The following ARSA variants were observed in gnomAD, a reference collection of about 807,000 sequenced individuals.
The protein encoded by ARSA is cerebroside-sulfatase.
In ARSA, 32 loss-of-function variants were observed where a neutral mutation model predicts 37.8. That is an observed-to-expected ratio of 0.85 (90% confidence interval 0.64 to 1.14). ARSA has a LOEUF of 1.14. Among genes scored for constraint, ARSA ranks in the 50% most tolerant of loss-of-function variants. The probability of loss-of-function intolerance (pLI) is 0.00; values close to 1 mark genes in which losing one functional copy is unlikely to be tolerated. For missense variants in ARSA, 685 were observed against 686.3 expected, an observed-to-expected ratio of 1.00 and a Z score of 0.02; for synonymous variants, 303 against 303.4, an observed-to-expected ratio of 1.00 and a Z score of 0.01.
chr22:50,627,634 G>T lies in ARSA; in HGVS notation c.146C>A (p.Pro49His). ...GCYGHPSSTT[P>H]NLDQLAAGGL... ...TCCCGCCGCCAGCTGGTCCAGGTTGGGAGTGGTAGAGCTGGGGTGCCCATA... is the reference window on the plus strand; with the variant it reads ...TCCCGCCGCCAGCTGGTCCAGGTTGTGAGTGGTAGAGCTGGGGTGCCCATA... Residue 49 changes from proline to histidine, a missense_variant, in exon 1 of 8, where the codon CCC becomes CAC. Coordinates refer to ENST00000216124, the MANE Select transcript of ARSA (RefSeq NM_000487.6). 1 of 1,561,402 alleles carries T rather than the reference G, an allele frequency of 6.4e-7. No individual in the cohort carries two copies. Among genetic ancestry groups the T allele is most frequent in the East Asian group, 2.4e-5 (1 of 42,044 alleles).
chr22:50,628,021 C>T lies in ARSA; in HGVS notation c.-242G>A. 1 of 543,818 alleles carries T rather than the reference C, an allele frequency of 1.8e-6. No individual in the cohort carries two copies. Among genetic ancestry groups the T allele is most frequent in the Non-Finnish European group, 3.3e-6 (1 of 303,808 alleles). 33.7% of individuals were successfully genotyped at this position (543,818 alleles called of 1,614,324 possible). On this transcript the variant is annotated 5_prime_UTR_variant, in exon 1 of 8. Coordinates refer to ENST00000216124, the MANE Select transcript of ARSA (RefSeq NM_000487.6). The stretch of plus-strand genomic sequence containing the variant: ...GATTCTCGAGCGGAGATCTGATCCT[C>T]CTCGCCTAGCGGTCCGGGCTCAGGG...
Position 50,626,139 on chromosome 22 carries a change from G to C in ARSA, c.979+15C>G. 6.2e-7 allele frequency: 1 copy of C among 1,600,130 alleles called. No homozygotes were observed. Among genetic ancestry groups the C allele is most frequent in the Non-Finnish European group, 8.5e-7 (1 of 1,174,748 alleles). On this transcript the variant is annotated intron_variant, in intron 5 of 7. Coordinates refer to ENST00000216124, the MANE Select transcript of ARSA (RefSeq NM_000487.6). ...GGTGGGGCCAGGGTTCCAAGGAGAGGGCCTGCGGACTGACCGGGAGCGATA... is the reference window on the plus strand; with the variant it reads ...GGTGGGGCCAGGGTTCCAAGGAGAGCGCCTGCGGACTGACCGGGAGCGATA...
Position 50,627,887 on chromosome 22 carries a change from T to C in ARSA, c.-108A>G. Reference sequence around the variant, plus strand: ...CCTTCCCTGAGACCCCGGACCCAAATACTCCCCGACCCTGACGGCCGCCTC... The same window carrying C: ...CCTTCCCTGAGACCCCGGACCCAAACACTCCCCGACCCTGACGGCCGCCTC... On this transcript the variant is annotated 5_prime_UTR_variant, in exon 1 of 8. Transcript: ENST00000216124. 1.8e-6 allele frequency: 2 copies of C among 1,138,474 alleles called. No homozygotes were observed. The highest frequency in any genetic ancestry group is 2.5e-6 in the Non-Finnish European group (2 of 810,530). 70.5% of individuals were successfully genotyped at this position (1,138,474 alleles called of 1,614,324 possible).
Position 50,624,334 on chromosome 22 carries a change from G to C in ARSA, c.*811C>G, listed in dbSNP as rs1390190275. Among the ~76,000 whole-genome samples the C allele has an allele frequency of 6.6e-6, 1 of 152,228 alleles. No individual in the cohort carries two copies. The highest frequency in any genetic ancestry group is 2.4e-5 in the African/African-American group (1 of 41,464). On this transcript the variant is annotated 3_prime_UTR_variant, in exon 8 of 8. Transcript: ENST00000216124. The stretch of plus-strand genomic sequence containing the variant: ...GATCCACCCGCCTCGGCTTCCTAAA[G>C]TGCTGGGATTACAGGCGTGAGCCAC...
chr22:50,623,836 T>G lies in ARSA; in HGVS notation c.*1309A>C, dbSNP rs1045476818. ...ATCCCTGGAACCCGGGAGGCGGAGG[T>G]TGCAGTGAGCGGAGATGGTACCACT... is the stretch of plus-strand genomic sequence containing the variant. On this transcript the variant is annotated 3_prime_UTR_variant, in exon 8 of 8. Coordinates refer to ENST00000216124, the MANE Select transcript of ARSA (RefSeq NM_000487.6). The G allele has an allele frequency of 8.0e-6, 1 of 125,670 alleles. No individual in the cohort carries two copies. Among genetic ancestry groups the G allele is most frequent in the African/African-American group, 3.0e-5 (1 of 33,046 alleles). 7.8% of individuals were successfully genotyped at this position (125,670 alleles called of 1,614,324 possible). A position where few individuals can be genotyped will look rare whatever the true frequency, so the allele number is the denominator to read the frequency against.
chr22:50,625,954 C>A lies in ARSA; in HGVS notation c.1089G>T (p.Leu363=). ...GCCCTACCTTGCCTGTGCCCAGCAG[C>A]AGGGGGCTGAGGTCAAAGCCATCCA... ...VTLDGFDLSP[L]LLGTGKSPRQ... The change falls in exon 6 of 8, where the codon CTG becomes CTT. Residue 363 remains leucine (L), a synonymous_variant. Coordinates refer to ENST00000216124, the MANE Select transcript of ARSA (RefSeq NM_000487.6). 1 of 1,573,114 alleles carries A rather than the reference C, an allele frequency of 6.4e-7. No individual in the cohort carries two copies. The highest frequency in any genetic ancestry group is 8.6e-7 in the Non-Finnish European group (1 of 1,159,836).
chr22:50,627,593 C>CTG lies in ARSA; in HGVS notation c.185_186dup (p.Asp63GlnfsTer18), dbSNP rs1227301119. On this transcript the variant is annotated frameshift_variant, in exon 1 of 8. Transcript: ENST00000216124. LOFTEE classifies it high-confidence loss of function. The stretch of plus-strand genomic sequence containing the variant: ...CACAGAGACACAGGCACGTAGAAGT[C>CTG]TGTGAACCGCAGCCCTCCCGCCGCC... 1 of 1,563,422 alleles carries CTG rather than the reference C, an allele frequency of 6.4e-7. No individual in the cohort carries two copies. Among genetic ancestry groups the CTG allele is most frequent in the East Asian group, 2.4e-5 (1 of 42,182 alleles).
At position 50,627,770 on chromosome 22, in the gene ARSA, C is replaced by G. The variant is rs930477231; in HGVS notation, c.10G>C (p.Gly4Arg). The G allele has an allele frequency of 2.6e-6, 4 of 1,545,450 alleles. No homozygotes were observed. The highest frequency in any genetic ancestry group is 3.5e-6 in the Non-Finnish European group (4 of 1,146,920). Reference protein sequence around the residue: MSMGAPRSLLLALA... With the variant: MSMRAPRSLLLALA... ...GCCAGGAGGAGGGACCGCGGTGCCCCCATGGACATGGGACCGAGGGGTCTG... is the reference window on the plus strand; with the variant it reads ...GCCAGGAGGAGGGACCGCGGTGCCCGCATGGACATGGGACCGAGGGGTCTG... The change falls in exon 1 of 8, where the codon GGG becomes CGG. Residue 4 changes from glycine (G) to arginine (R), a missense_variant. Transcript: ENST00000216124.
chr22:50,627,134 G>A, intron 2 of ARSA, 32 bp downstream of exon 2: 1 of 1,597,950 alleles, frequency 6.3e-7, no homozygotes, highest in Non-Finnish European at 8.6e-7. Flanking sequence ...TTGGGAGGTG[G>A]GAGGGTGGCT....
At position 50,625,995 on chromosome 22, in the gene ARSA, G is replaced by A. The variant is rs1365407226; in HGVS notation, c.1048C>T (p.Leu350=). Residue 350 remains leucine (L), a synonymous_variant, in exon 6 of 8, where the codon CTG becomes TTG. Transcript: ENST00000216124. ...AAGCCATCCAAGGTGACATTGGGCA[G>A]TGGGGCCCCAGCCAGGGCTGCCAGG... ...PTLAALAGAP[L]PNVTLDGFDL... The A allele has an allele frequency of 6.3e-7, 1 of 1,577,974 alleles. No homozygotes were observed. The highest frequency in any genetic ancestry group is 8.6e-7 in the Non-Finnish European group (1 of 1,162,952).
rs369490134 is a variant in ARSA at position 50,625,583 on chromosome 22, G to A, written c.1206C>T (p.Thr402=). 5 of 1,613,286 alleles carry A rather than the reference G, an allele frequency of 3.1e-6. No homozygotes were observed. The highest frequency in any genetic ancestry group is 4.2e-6 in the Non-Finnish European group (5 of 1,179,930). Residue 402 remains threonine (T), a synonymous_variant, in exon 7 of 8, where the codon ACC becomes ACT. Coordinates refer to ENST00000216124, the MANE Select transcript of ARSA (RefSeq NM_000487.6). ...RTGKYKAHFF[T]QGSAHSDTTA... ...GGATCCACGGGGAGGGGTTACCCTGGGTGAAGAAGTGAGCCTTGTACTTTC... is the reference window on the plus strand; with the variant it reads ...GGATCCACGGGGAGGGGTTACCCTGAGTGAAGAAGTGAGCCTTGTACTTTC...
In ARSA at chr22:50,627,562, G is replaced by A. The variant is rs764004751; in HGVS notation, c.218C>T (p.Pro73Leu). 1.2e-5 allele frequency: 19 copies of A among 1,560,548 alleles called. No homozygotes were observed. Among genetic ancestry groups the A allele is most frequent in the East Asian group, 2.4e-5 (1 of 42,008 alleles). The change falls in exon 1 of 8, where the codon CCC (proline) becomes CTC (leucine). Residue 73 changes from proline (P) to leucine (L), a missense_variant. By Grantham distance (98) the Pro-to-Leu change is moderately conservative (BLOSUM62 -3). Coordinates refer to ENST00000216124, the MANE Select transcript of ARSA (RefSeq NM_000487.6). ...GGCGCGGCCCCCTCTTTACCTAGAG[G>A]GTGTGCACAGAGACACAGGCACGTA... ...DFYVPVSLCT[P>L]SRAALLTGRL...
rs1386863176 is a variant in ARSA, at chr22:50,626,003, C to T, written c.1040G>A (p.Gly347Glu). ...CAAGGTGACATTGGGCAGTGGGGCC[C>T]CAGCCAGGGCTGCCAGGGTAGGCAG... ...DLLPTLAALA[G>E]APLPNVTLDG... Residue 347 changes from glycine (G) to glutamate (E), a missense_variant, in exon 6 of 8, where the codon GGG (glycine) becomes GAG (glutamate). Physicochemically the swap from Gly to Glu is moderately conservative, Grantham distance 98. Transcript: ENST00000216124. 6.3e-7 allele frequency: 1 copy of T among 1,578,872 alleles called. No homozygotes were observed. The highest frequency in any genetic ancestry group is 1.2e-5 in the South Asian group (1 of 86,302).
Position 50,623,926 on chromosome 22 carries a change from A to AC in ARSA, c.*1218_*1219insG, listed in dbSNP as rs2082624501. The AC allele has an allele frequency of 1.4e-4, 1 of 7,178 alleles. No individual in the cohort carries two copies. The allele number at this position is 7,178 out of a possible 1,614,324, so 0.4% of individuals were successfully genotyped here. A position where few individuals can be genotyped will look rare whatever the true frequency, so the allele number is the denominator to read the frequency against. ...AAAAAAAAAAAAAAAAAAAAAAAAA[A>AC]AAAAAAAAAAAACAAAAACAAATCT... is the stretch of plus-strand genomic sequence containing the variant. On this transcript the variant is annotated 3_prime_UTR_variant, in exon 8 of 8. Transcript: ENST00000216124.
chr22:50,625,319 T>C lies in ARSA; in HGVS notation c.1356A>G (p.Pro452=). The C allele has an allele frequency of 1.2e-6, 2 of 1,612,772 alleles. No homozygotes were observed. The highest frequency in any genetic ancestry group is 1.7e-6 in the Non-Finnish European group (2 of 1,179,774). Residue 452 remains proline, a synonymous_variant, in exon 8 of 8, where the codon CCA becomes CCG. Coordinates refer to ENST00000216124, the MANE Select transcript of ARSA (RefSeq NM_000487.6). ...GCTGTTTCAGGGCTTGCAGCACCTCTGGGGTGGCCCCGGCCACACCCCCCA... is the reference window on the plus strand; with the variant it reads ...GCTGTTTCAGGGCTTGCAGCACCTCCGGGGTGGCCCCGGCCACACCCCCCA... ...NLLGGVAGAT[P]EVLQALKQLQ...
In ARSA at chr22:50,626,970, A is replaced by G; in HGVS notation, c.548T>C (p.Leu183Pro). 1 of 1,612,936 alleles carries G rather than the reference A, an allele frequency of 6.2e-7. No individual in the cohort carries two copies. The highest frequency in any genetic ancestry group is 8.5e-7 in the Non-Finnish European group (1 of 1,179,936). ...GCDQGLVPIP[L>P]LANLSVEAQP... Reference sequence around the variant, plus strand: ...CGCCTCCACGGACAGGTTGGCCAACAGTGGGATGGGGACCAGGCCCTGGTC... The same window carrying G: ...CGCCTCCACGGACAGGTTGGCCAACGGTGGGATGGGGACCAGGCCCTGGTC... Residue 183 changes from leucine to proline, a missense_variant, in exon 3 of 8, where the codon CTG becomes CCG. Leu to Pro is a moderately conservative substitution (Grantham distance 98, BLOSUM62 -3). Transcript: ENST00000216124.
intron 5 of ARSA, 33 bp from the exon 6 acceptor site, chr22:50,626,096 C>A: frequency 1.3e-6 from 2 of 1,599,764 alleles, no homozygotes; most frequent in East Asian, 2.3e-5. Context: ...TCACTCAGTT[C>A]GCCATCAAGG....
Position 50,625,685 on chromosome 22 carries a change from G to C in ARSA, c.1108-4C>G. ...AGAAGAGAGACTGCCGAGGGCTCTG[G>C]GGGCAGAGTCAGGGGTCACGGGGCG... is the stretch of plus-strand genomic sequence containing the variant. On this transcript the variant is annotated splice_region_variant and splice_polypyrimidine_tract_variant and intron_variant, in intron 6 of 7. Coordinates refer to ENST00000216124, the MANE Select transcript of ARSA (RefSeq NM_000487.6). 1.2e-6 allele frequency: 2 copies of C among 1,613,036 alleles called. No individual in the cohort carries two copies. Among genetic ancestry groups the C allele is most frequent in the Non-Finnish European group, 1.7e-6 (2 of 1,179,582 alleles).
chr22:50,626,936 G>A lies in ARSA; in HGVS notation c.582C>T (p.Pro194=), dbSNP rs372532763. ...AGCGGGCCTCTAGTCCGGGCAGCCA[G>A]GGGGGCTGCGCCTCCACGGACAGGT... is the stretch of plus-strand genomic sequence containing the variant. ...LANLSVEAQP[P]WLPGLEARYM... Residue 194 remains proline, a synonymous_variant, in exon 3 of 8, where the codon CCC becomes CCT. Coordinates refer to ENST00000216124, the MANE Select transcript of ARSA (RefSeq NM_000487.6). The A allele has an allele frequency of 4.3e-5, 69 of 1,613,016 alleles. No homozygotes were observed. The highest frequency in any genetic ancestry group is 5.5e-5 in the Non-Finnish European group (65 of 1,179,914).
Sources: gnomAD v4.1 joint callset for allele counts (sites outside exome capture counted in the v4.1 genomes callset) on GRCh38, gnomAD v4.1.1 for gene constraint, MANE v1.5 for transcripts, NCBI Gene and HGNC (gene_info 2026-07-23, HGNC 2026-07-21) for gene names.